TRPM6: variants seen among roughly 807,000 people sequenced by gnomAD.
TRPM6 encodes the protein channel kinase 2.
A neutral mutation model predicts 247.6 loss-of-function variants in TRPM6; 111 were observed. That is an observed-to-expected ratio of 0.45 (90% CI 0.38 to 0.52). The LOEUF (loss-of-function observed/expected upper bound fraction) is 0.52, where lower values mean the gene tolerates loss of function less well. TRPM6 is among the 20% of genes least tolerant of loss of function. The pLI is 0.00. For synonymous variants in TRPM6, 892 were observed against 853.8 expected (o/e 1.04, Z -0.78); for missense variants, 2,126 against 2,421.5 (o/e 0.88, Z 2.56).
chr9:74,885,176 G>A (rs767415486), intron 1 of TRPM6, among the ~76,000 whole-genome samples: 1 of 152,218 alleles, frequency 6.6e-6, no homozygotes, highest in African/African-American at 2.4e-5. Flanking sequence ...TTAATAGCAT[G>A]TAGGGAGGCA....
At chr9:74,819,892 G>C (rs901473166) in intron 9 of TRPM6, among the ~76,000 whole-genome samples, 21 of 152,210 alleles carry the variant, frequency 1.4e-4, no homozygotes, top group African/African-American at 5.1e-4. Flanking sequence ...GGACAGCAGT[G>C]ACAGCAAGAA....
In TRPM6 at chr9:74,763,063, G is replaced by A. The variant is rs1826707402; in HGVS notation, c.3608C>T (p.Ser1203Phe). Residue 1203 changes from serine (S) to phenylalanine (F), a missense_variant, in exon 26 of 39, where the codon TCT becomes TTT. This residue lies in a region of TRPM6 where 717 missense variants were observed against 715.9 expected (regional missense o/e 1.00). Transcript: ENST00000360774. ...CAGGTGTCCCACCTGGCTGTCCAAAGACAGTAAGGAGTCCTTTATAAAAGA... is the reference window on the plus strand; with the variant it reads ...CAGGTGTCCCACCTGGCTGTCCAAAAACAGTAAGGAGTCCTTTATAAAAGA... ...KVSFIKDSLLSLDSQVGHLQD... is the reference protein window; with the variant it reads ...KVSFIKDSLLFLDSQVGHLQD... 2 of 1,614,102 alleles carry A rather than the reference G, an allele frequency of 1.2e-6. No individual in the cohort carries two copies. The highest frequency in any genetic ancestry group is 2.2e-5 in the South Asian group (2 of 91,080).
intron 3 of TRPM6, among the ~76,000 whole-genome samples, chr9:74,847,619 ATATAGTCATATG>A (rs1264140855): frequency 6.6e-6 from 1 of 152,086 alleles, no homozygotes; most frequent in African/African-American, 2.4e-5. Context: ...ATAGTCATAT[ATATAGTCATATG>A]TATAGTCATA....
intron 28 of TRPM6, among the ~76,000 whole-genome samples, chr9:74,754,827 C>T (rs1392175201): frequency 1.3e-5 from 2 of 152,152 alleles, no homozygotes; most frequent in Non-Finnish European, 2.9e-5. Context: ...TTTCACCGTC[C>T]AGGCCTAGCC....
chr9:74,811,433 TTTAAAGGACA>T (rs1828726785), intron 12 of TRPM6, among the ~76,000 whole-genome samples: 1 of 152,130 alleles, frequency 6.6e-6, no homozygotes, highest in Non-Finnish European at 1.5e-5. Flanking sequence ...AAGAATAAGA[TTTAAAGGACA>T]AGGAAGGCTA....
At chr9:74,887,184 G>C in intron 1 of TRPM6, 1 of 1,201,022 alleles carries the variant, frequency 8.3e-7, no homozygotes, top group Non-Finnish European at 1.1e-6. Context: ...AGTCCGGGCG[G>C]CGCCGCGTTG....
intron 20 of TRPM6, 40 bp from the exon 21 acceptor site, chr9:74,786,165 A>G (rs1416008436): frequency 6.2e-7 from 1 of 1,609,826 alleles, no homozygotes; most frequent in Admixed American, 1.7e-5. Context: ...AGGAGGTACA[A>G]CCAAAGAATC....
intron 1 of TRPM6, 138 bp from the exon 2 acceptor site, chr9:74,858,886 C>A: frequency 4.6e-6 from 3 of 650,626 alleles, no homozygotes; most frequent in Non-Finnish European, 5.3e-6. Flanking sequence ...ACAGGCTAAG[C>A]ATTTACCAGT....
At chr9:74,855,397 AAAC>A in intron 3 of TRPM6, 127 bp downstream of exon 3, 1 of 748,974 alleles carries the variant, frequency 1.3e-6, no homozygotes, top group Non-Finnish European at 2.4e-6. Flanking sequence ...CATCTTTTTA[AAAC>A]TTCCCTTGGA....
rs1468676396 is a variant in TRPM6, at chr9:74,723,393, G to A, written c.*1220C>T. 3.3e-5 allele frequency: 5 copies of A among 151,506 alleles called. No homozygotes were observed. Among genetic ancestry groups the A allele is most frequent in the Admixed American group, 3.3e-4 (5 of 15,194 alleles). 9.4% of individuals were successfully genotyped at this position (151,506 alleles called of 1,614,324 possible). On this transcript the variant is annotated 3_prime_UTR_variant, in exon 39 of 39. Coordinates refer to ENST00000360774, the MANE Select transcript of TRPM6 (RefSeq NM_017662.5). ...TATATACAACTTTGGAAGGAGGAGTGGTGTTTTACAGGTTGAGTTAGTCAA... is the reference window on the plus strand; with the variant it reads ...TATATACAACTTTGGAAGGAGGAGTAGTGTTTTACAGGTTGAGTTAGTCAA...
intron 20 of TRPM6, among the ~76,000 whole-genome samples, chr9:74,788,060 TAA>T: frequency 6.6e-6 from 1 of 152,096 alleles, no homozygotes; most frequent in Non-Finnish European, 1.5e-5. Flanking sequence ...TAGAAATTTT[TAA>T]AAGTTTTGGT....
intron 4 of TRPM6, among the ~76,000 whole-genome samples, chr9:74,840,580 C>A (rs546159040): frequency 2.6e-5 from 4 of 152,010 alleles, no homozygotes; most frequent in South Asian, 4.2e-4. Context: ...TTCGGGAGGC[C>A]GAGGTGGGCG....
chr9:74,732,164 A>G (rs767013268), intron 37 of TRPM6, among the ~76,000 whole-genome samples: 1 of 152,216 alleles, frequency 6.6e-6, no homozygotes, highest in Non-Finnish European at 1.5e-5. Flanking sequence ...TTTAAACTTC[A>G]GCTCTTATTT....
intron 29 of TRPM6, among the ~76,000 whole-genome samples, chr9:74,751,454 A>T (rs1336822532): frequency 1.3e-5 from 2 of 152,202 alleles, no homozygotes; most frequent in African/African-American, 4.8e-5. Context: ...AAGTAGTCTG[A>T]CACTTTACTT....
In TRPM6 at chr9:74,838,401, C is replaced by T. The variant is rs79011179; in HGVS notation, c.544+1623G>A. The stretch of plus-strand genomic sequence containing the variant: ...TATAAAATATGTATGATAAAGTGTG[C>T]GTTACCTATTTGTGATGGGCCAAAT... On this transcript the variant is annotated intron_variant, in intron 5 of 38. Coordinates refer to ENST00000360774, the MANE Select transcript of TRPM6 (RefSeq NM_017662.5). Among the ~76,000 whole-genome samples, 512 of 152,312 alleles carry T rather than the reference C, an allele frequency of 3.4e-3. 3 individuals carry two copies. The highest frequency in any genetic ancestry group is 5.9e-3 in the Non-Finnish European group (400 of 68,026).
intron 28 of TRPM6, among the ~76,000 whole-genome samples, chr9:74,754,553 A>C (rs1346025542): frequency 6.6e-6 from 1 of 152,214 alleles, no homozygotes; most frequent in Non-Finnish European, 1.5e-5. Flanking sequence ...GAACGTGTAA[A>C]ATCACCCCTT....
intron 9 of TRPM6, among the ~76,000 whole-genome samples, chr9:74,819,537 T>C (rs1202400272): frequency 6.6e-6 from 1 of 152,166 alleles, no homozygotes; most frequent in African/African-American, 2.4e-5. Flanking sequence ...AATAAATTAA[T>C]CTTTTTATCA....
At chr9:74,778,218 G>C (rs1405887177) in intron 23 of TRPM6, among the ~76,000 whole-genome samples, 1 of 152,192 alleles carries the variant, frequency 6.6e-6, no homozygotes, top group East Asian at 1.9e-4. Flanking sequence ...TAAGGCTCCA[G>C]AAGGAAGGGG....
At position 74,786,010 on chromosome 9, in the gene TRPM6, C is replaced by T; in HGVS notation, c.2783G>A (p.Arg928Gln). 6.2e-7 allele frequency: 1 copy of T among 1,614,174 alleles called. No individual in the cohort carries two copies. The highest frequency in any genetic ancestry group is 8.5e-7 in the Non-Finnish European group (1 of 1,180,020). The change falls in exon 21 of 39, where the codon CGA (arginine) becomes CAA (glutamine). Residue 928 changes from arginine (R) to glutamine (Q), a missense_variant. Arg to Gln is a conservative substitution (Grantham distance 43, BLOSUM62 1). Transcript: ENST00000360774. ...TGTGTGAAAAGGAGGGTCACCCCAT[C>T]GAAGGACGAAGCCAGCTGAAAACAG... ...IGLFSAGFVLRWGDPPFHTAG... is the reference protein window; with the variant it reads ...IGLFSAGFVLQWGDPPFHTAG...
Sources: allele counts gnomAD v4.1 joint callset (sites outside exome capture counted in the v4.1 genomes callset), GRCh38; gene constraint gnomAD v4.1.1; regional missense constraint gnomAD v4.1.1; transcripts MANE v1.5; gene names NCBI Gene and HGNC (gene_info 2026-07-23, HGNC 2026-07-21).